TENM2: variants seen among roughly 807,000 people sequenced by gnomAD.
TENM2 encodes teneurin transmembrane protein 2, also known as teneurin-2.
A neutral mutation model predicts 245.2 loss-of-function variants in TENM2; 52 were observed. The ratio of observed to expected loss-of-function variants is 0.21; its 90% CI spans 0.17 to 0.27. The LOEUF (loss-of-function observed/expected upper bound fraction) is 0.27. Among genes scored for constraint, TENM2 ranks in the 10% least tolerant of loss-of-function variants. The pLI, the probability that TENM2 is intolerant of heterozygous loss-of-function variation, is 1.00. For synonymous variants in TENM2, 1,363 were observed against 1,438.9 expected, an observed-to-expected ratio of 0.95 and a Z score of 1.19; for missense variants, 3,046 against 3,666.8, an observed-to-expected ratio of 0.83 and a Z score of 4.37.
chr5:167,284,732 A>C (rs1411402322), upstream of TENM2: 9 of 784,878 alleles, frequency 1.1e-5, no homozygotes, highest in South Asian at 3.4e-5. Context: ...TCTTGTAATC[A>C]CAGTCTTGGG....
the TENM2 span, among the ~76,000 whole-genome samples, chr5:167,248,453 G>T: frequency 6.6e-6 from 1 of 152,162 alleles, no homozygotes; most frequent in Non-Finnish European, 1.5e-5. Flanking sequence ...CTCTGATTCA[G>T]CATGTCTGGA....
the TENM2 span, among the ~76,000 whole-genome samples, chr5:167,114,316 GC>G: frequency 1.3e-5 from 2 of 151,998 alleles, no homozygotes; most frequent in Non-Finnish European, 2.9e-5. Flanking sequence ...TTAAATTATT[GC>G]TTCATTTTTA....
chr5:167,890,796 A>G (rs2151459818), intron 3 of TENM2, among the ~76,000 whole-genome samples: 1 of 152,266 alleles, frequency 6.6e-6, no homozygotes, highest in South Asian at 2.1e-4. Flanking sequence ...TGATAATGAT[A>G]ATGATGATGA....
intron 3 of TENM2, among the ~76,000 whole-genome samples, chr5:167,910,168 A>C (rs2151573088): frequency 6.6e-6 from 1 of 152,280 alleles, no homozygotes; most frequent in South Asian, 2.1e-4. Context: ...CACATGTGCT[A>C]CACACTTCTC....
chr5:168,095,055 G>A (rs60534035), intron 8 of TENM2, among the ~76,000 whole-genome samples: 23,696 of 151,602 alleles, frequency 0.16, 2,063 homozygotes, highest in South Asian at 0.26. Flanking sequence ...CAAGCTCAGG[G>A]CGCCCACTGA....
chr5:167,238,361 A>T, the TENM2 span, among the ~76,000 whole-genome samples: 1 of 152,190 alleles, frequency 6.6e-6, no homozygotes, highest in Non-Finnish European at 1.5e-5. Context: ...TCAATAGAAG[A>T]GACATTTTGA....
chr5:167,466,439 A>T (rs1766657543), intron 2 of TENM2, among the ~76,000 whole-genome samples: 1 of 152,216 alleles, frequency 6.6e-6, no homozygotes. Flanking sequence ...AGGCAGTCCA[A>T]AAATCTACAT....
At chr5:167,134,147 G>C in the TENM2 span, among the ~76,000 whole-genome samples, 1,580 of 152,242 alleles carry the variant, frequency 0.01, 25 homozygotes, top group African/African-American at 0.036. Flanking sequence ...AAAAGAAACA[G>C]CAGCAAAACT....
In TENM2 at chr5:168,259,931, C is replaced by T. The variant is rs562384985; in HGVS notation, c.7433-352C>T. 9.8e-5 allele frequency among the ~76,000 whole-genome samples: 15 copies of T among 152,288 alleles called. No individual in the cohort carries two copies. In the East Asian group the frequency reaches 2.5e-3, roughly 25 times the overall value. On this transcript the variant is annotated intron_variant, in intron 27 of 28. Transcript: ENST00000518659. ...GATCCTCATAACAACCCAATGAGAC[C>T]GACACAATTATTATCCCAATTCATA...
the TENM2 span, among the ~76,000 whole-genome samples, chr5:167,082,444 C>T: frequency 2.6e-5 from 4 of 151,926 alleles, no homozygotes; most frequent in African/African-American, 9.7e-5. Context: ...CCACCAGGCT[C>T]AGCTAATTTT....
At chr5:168,047,576 C>T in intron 6 of TENM2, 27 bp downstream of exon 8, 1 of 1,548,918 alleles carries the variant, frequency 6.5e-7, no homozygotes, top group Non-Finnish European at 8.7e-7. Flanking sequence ...TGCTTGCCCT[C>T]TTGAGGTCAC....
chr5:167,252,454 G>T, the TENM2 span, among the ~76,000 whole-genome samples: 19 of 152,074 alleles, frequency 1.2e-4, no homozygotes, highest in Admixed American at 3.3e-4. Flanking sequence ...GTCATTTGGG[G>T]GAAGAAGGAG....
intron 1 of TENM2, among the ~76,000 whole-genome samples, chr5:167,374,649 G>T (rs1760636065): frequency 6.6e-6 from 1 of 152,036 alleles, no homozygotes; most frequent in African/African-American, 2.4e-5. Flanking sequence ...ATTCATTAGA[G>T]GGTTAACGCT....
the TENM2 span, among the ~76,000 whole-genome samples, chr5:167,078,929 C>T: frequency 3.3e-5 from 5 of 152,192 alleles, no homozygotes; most frequent in South Asian, 8.3e-4. Flanking sequence ...CCATGTTAGA[C>T]AGCGATATCA....
intron 2 of TENM2, among the ~76,000 whole-genome samples, chr5:167,489,926 A>G (rs567135948): frequency 1.3e-5 from 2 of 152,296 alleles, no homozygotes; most frequent in Admixed American, 1.3e-4. Context: ...TCCATAATTT[A>G]TTAGCTCCCT....
chr5:167,245,579 G>T, the TENM2 span, among the ~76,000 whole-genome samples: 1 of 148,948 alleles, frequency 6.7e-6, no homozygotes, highest in African/African-American at 2.5e-5. Context: ...CTATCTGTTT[G>T]TATTATTTAC....
intron 7 of TENM2, among the ~76,000 whole-genome samples, chr5:168,082,411 G>T (rs745366670): frequency 1.3e-5 from 2 of 152,108 alleles, no homozygotes; most frequent in Non-Finnish European, 2.9e-5. Flanking sequence ...TGTTATTACC[G>T]ATCATCTGAA....
chr5:168,195,077 G>A (rs1761293631), intron 14 of TENM2, 99 bp from the exon 17 acceptor site: 1 of 1,402,522 alleles, frequency 7.1e-7, no homozygotes, highest in Non-Finnish European at 9.8e-7. Context: ...CCTTCTCCTT[G>A]CCTGAGGGAC....
chr5:168,046,375 G>C (rs990677709), intron 5 of TENM2, among the ~76,000 whole-genome samples: 4 of 152,232 alleles, frequency 2.6e-5, no homozygotes, highest in Admixed American at 1.3e-4. Context: ...GGAAATGCCA[G>C]ACATCGTTTG....
Sources: gnomAD v4.1 joint callset for allele counts (sites outside exome capture counted in the v4.1 genomes callset) on GRCh38, gnomAD v4.1.1 for gene constraint, MANE v1.5 for transcripts, NCBI Gene and HGNC (gene_info 2026-07-23, HGNC 2026-07-21) for gene names.